The following HTR1F variants were observed in gnomAD, a reference collection of about 807,000 sequenced individuals.
The protein encoded by HTR1F is 5-hydroxytryptamine receptor 1F.
A neutral mutation model predicts 24.0 loss-of-function variants in HTR1F; 17 were observed. The ratio of observed to expected loss-of-function variants is 0.71; its 90% CI spans 0.48 to 1.06. The LOEUF (loss-of-function observed/expected upper bound fraction) is 1.06, where lower values mean the gene tolerates loss of function less well. Ranked by LOEUF, HTR1F falls within the 50% of genes least tolerant of loss-of-function variation. HTR1F has a pLI of 0.00. For synonymous variants in HTR1F, 186 were observed against 156.8 expected (o/e 1.19, Z -1.39); for missense variants, 391 against 427.8 (o/e 0.91, Z 0.76).
intron 2 of HTR1F, among the ~76,000 whole-genome samples, chr3:87,894,204 A>T (rs1164024370): frequency 6.6e-6 from 1 of 151,908 alleles, no homozygotes; most frequent in Admixed American, 6.6e-5. Flanking sequence ...TGAATCCGCA[A>T]AGTCTGTTGT....
Position 87,993,264 on chromosome 3 carries a change from A to T in HTR1F, c.*1414A>T, listed in dbSNP as rs902442622. Reference sequence around the variant, plus strand: ...TATAGATCTGTGACAAATTACTCTCAATCTAACAAACATTTACAGAGTTCC... The same window carrying T: ...TATAGATCTGTGACAAATTACTCTCTATCTAACAAACATTTACAGAGTTCC... On this transcript the variant is annotated 3_prime_UTR_variant, in exon 3 of 3. Transcript: ENST00000319595. 3 of 166,718 alleles carry T rather than the reference A, an allele frequency of 1.8e-5. No individual in the cohort carries two copies. The highest frequency in any genetic ancestry group is 4.4e-5 in the Non-Finnish European group (3 of 68,066). The allele number at this position is 166,718 out of a possible 1,614,324, so 10.3% of individuals were successfully genotyped here.
chr3:87,921,263 T>G (rs1480976950), intron 2 of HTR1F, among the ~76,000 whole-genome samples: 3 of 152,014 alleles, frequency 2.0e-5, no homozygotes, highest in Non-Finnish European at 2.9e-5. Context: ...ATATATTGAT[T>G]GGATTTACCT....
chr3:87,941,054 C>G (rs1379856333), intron 2 of HTR1F, among the ~76,000 whole-genome samples: 1 of 152,226 alleles, frequency 6.6e-6, no homozygotes, highest in Non-Finnish European at 1.5e-5. Flanking sequence ...TGTGTAAGGA[C>G]TCCTAGAGGT....
At chr3:87,793,099 A>T (rs1244968461) in intron 1 of HTR1F, 1 of 152,218 alleles carries the variant, frequency 6.6e-6, no homozygotes, top group East Asian at 2.0e-4. Context: ...TGCTAGGCGG[A>T]GATAGTGGTC....
intron 2 of HTR1F, among the ~76,000 whole-genome samples, chr3:87,937,723 A>G (rs1412155195): frequency 6.6e-6 from 1 of 152,124 alleles, no homozygotes; most frequent in African/African-American, 2.4e-5. Context: ...GGAGATCAAG[A>G]CCATCCTGGC....
chr3:87,975,271 GA>G (rs1426104814), intron 2 of HTR1F, among the ~76,000 whole-genome samples: 2 of 151,194 alleles, frequency 1.3e-5, no homozygotes, highest in Non-Finnish European at 3.0e-5. Context: ...CCAAAAAGGA[GA>G]AAAAAATCCA....
intron 2 of HTR1F, among the ~76,000 whole-genome samples, chr3:87,941,990 G>A (rs1422213449): frequency 2.0e-5 from 3 of 152,048 alleles, no homozygotes; most frequent in Non-Finnish European, 4.4e-5. Context: ...GGGTCTAAGG[G>A]GGTACTGCCT....
intron 2 of HTR1F, among the ~76,000 whole-genome samples, chr3:87,890,124 T>G (rs1442402032): frequency 6.6e-6 from 1 of 152,218 alleles, no homozygotes; most frequent in African/African-American, 2.4e-5. Flanking sequence ...GCAGTGTGCT[T>G]CTTTTAAAGA....
intron 2 of HTR1F, among the ~76,000 whole-genome samples, chr3:87,829,354 G>A (rs1704527403): frequency 1.3e-5 from 2 of 152,156 alleles, no homozygotes; most frequent in African/African-American, 4.8e-5. Flanking sequence ...GTAACAAGCA[G>A]AATCTGAAAT....
At chr3:87,887,401 T>G (rs1408291525) in intron 2 of HTR1F, among the ~76,000 whole-genome samples, 22 of 151,998 alleles carry the variant, frequency 1.4e-4, no homozygotes, top group Non-Finnish European at 2.6e-4. Flanking sequence ...ATACCATTCA[T>G]GACATAGGCA....
chr3:87,860,180 C>T (rs1022639971), intron 2 of HTR1F, among the ~76,000 whole-genome samples: 16 of 152,076 alleles, frequency 1.1e-4, no homozygotes, highest in African/African-American at 3.9e-4. Context: ...TTCTAGGTGG[C>T]ATATGCATTT....
At chr3:87,861,121 C>A (rs1705310010) in intron 2 of HTR1F, among the ~76,000 whole-genome samples, 2 of 152,130 alleles carry the variant, frequency 1.3e-5, no homozygotes, top group African/African-American at 4.8e-5. Context: ...CGCACCACTG[C>A]AGTCCAGCCT....
intron 2 of HTR1F, among the ~76,000 whole-genome samples, chr3:87,985,777 G>A (rs1705649434): frequency 6.6e-6 from 1 of 152,192 alleles, no homozygotes; most frequent in Non-Finnish European, 1.5e-5. Context: ...AATATAAAAT[G>A]AATTAAACTA....
At chr3:87,911,095 C>G (rs758954120) in intron 2 of HTR1F, among the ~76,000 whole-genome samples, 2 of 151,614 alleles carry the variant, frequency 1.3e-5, no homozygotes, top group African/African-American at 4.8e-5. Context: ...AAAAAGCTAG[C>G]GGAAGACAGG....
chr3:87,809,808 T>A (rs976433572), intron 1 of HTR1F, among the ~76,000 whole-genome samples: 2 of 152,078 alleles, frequency 1.3e-5, no homozygotes, highest in African/African-American at 4.8e-5. Flanking sequence ...TTACTTTATT[T>A]TATTAAATTC....
intron 1 of HTR1F, among the ~76,000 whole-genome samples, chr3:87,818,452 G>A (rs1371910475): frequency 1.3e-5 from 2 of 152,162 alleles, no homozygotes; most frequent in East Asian, 3.8e-4. Flanking sequence ...TACTTGCAAA[G>A]TGAGGCATCT....
intron 2 of HTR1F, among the ~76,000 whole-genome samples, chr3:87,964,024 T>C (rs1705114824): frequency 6.6e-6 from 1 of 152,166 alleles, no homozygotes; most frequent in Admixed American, 6.5e-5. Flanking sequence ...TTTCCTTGCA[T>C]TCCTTGCAGC....
intron 2 of HTR1F, among the ~76,000 whole-genome samples, chr3:87,965,338 A>T (rs568800535): frequency 6.6e-6 from 1 of 152,332 alleles, no homozygotes; most frequent in East Asian, 1.9e-4. Flanking sequence ...GGAGTCTAAA[A>T]AGATGTTTCA....
chr3:87,863,008 G>A (rs994014083), intron 2 of HTR1F, among the ~76,000 whole-genome samples: 24 of 152,026 alleles, frequency 1.6e-4, no homozygotes, highest in African/African-American at 4.8e-4. Context: ...GTAGAGATGG[G>A]GTTTCACCAT....
Sources: gnomAD v4.1 joint callset for allele counts (sites outside exome capture counted in the v4.1 genomes callset) on GRCh38, gnomAD v4.1.1 for gene constraint, MANE v1.5 for transcripts, NCBI Gene and HGNC (gene_info 2026-07-23, HGNC 2026-07-21) for gene names.